Variants in PDE10A observed in about 807,000 individuals in gnomAD.
PDE10A encodes phosphodiesterase 10A, also known as cAMP and cAMP-inhibited cGMP 3',5'-cyclic phosphodiesterase 10A.
Under a neutral mutation model 97.7 loss-of-function variants are expected in PDE10A, and 39 were observed. The observed-to-expected ratio is 0.40, with a 90% CI of 0.31 to 0.52. The LOEUF is 0.52. PDE10A is among the 20% of genes least tolerant of loss of function. PDE10A has a pLI of 0.56. For missense variants in PDE10A, 731 were observed against 1,047.8 expected (o/e 0.70, Z 4.17); for synonymous variants, 371 against 376.8 (o/e 0.98, Z 0.18).
At chr6:165,355,012 G>T (rs751246415) in intron 18 of PDE10A, among the ~76,000 whole-genome samples, 1 of 152,074 alleles carries the variant, frequency 6.6e-6, no homozygotes. Flanking sequence ...GAATTCTGTG[G>T]ATTGCTTCCA....
intron 10 of PDE10A, among the ~76,000 whole-genome samples, chr6:165,421,530 T>C (rs916884313): frequency 2.6e-5 from 4 of 152,054 alleles, no homozygotes; most frequent in African/African-American, 9.7e-5. Context: ...GAAAACGTAA[T>C]AATGTTTTCC....
Position 165,331,330 on chromosome 6 carries a change from A to T in PDE10A, c.*1695T>A, listed in dbSNP as rs1781329758. ...ATAGCAAATGGAGCTCCACGGAGGG[A>T]AGATGGCAACTTTCAGAAGCCCACA... On this transcript the variant is annotated 3_prime_UTR_variant, in exon 22 of 22. Coordinates refer to ENST00000539869, the MANE Select transcript of PDE10A (RefSeq NM_001385079.1). 1 of 152,168 alleles carries T rather than the reference A, an allele frequency of 6.6e-6. No homozygotes were observed. Among genetic ancestry groups the T allele is most frequent in the Non-Finnish European group, 1.5e-5 (1 of 68,038 alleles). 9.4% of individuals were successfully genotyped at this position (152,168 alleles called of 1,614,324 possible). A position where few individuals can be genotyped will look rare whatever the true frequency, so the allele number is the denominator to read the frequency against.
In PDE10A at chr6:165,654,896, TG is replaced by T. The variant is rs146317406; in HGVS notation, c.865+7050del. On this transcript the variant is annotated intron_variant, in intron 1 of 21. Transcript: ENST00000539869. ...CGTGCTACCTTCCATCTCAGGATCT[TG>T]CCGGGTCACACCTCTCCAGGGTGCT... Among the ~76,000 whole-genome samples the T allele has an allele frequency of 4.6e-3, 704 of 152,300 alleles. 10 individuals carry two copies. Among genetic ancestry groups the T allele is most frequent in the African/African-American group, 0.016 (679 of 41,572 alleles).
intron 1 of PDE10A, among the ~76,000 whole-genome samples, chr6:165,937,181 G>A (rs889349701): frequency 6.6e-6 from 1 of 152,166 alleles, no homozygotes; most frequent in Non-Finnish European, 1.5e-5. Flanking sequence ...GTAACCCACT[G>A]GGCTTGGCCA....
At chr6:165,902,111 A>G (rs1446741900) in intron 1 of PDE10A, among the ~76,000 whole-genome samples, 1 of 152,110 alleles carries the variant, frequency 6.6e-6, no homozygotes, top group Non-Finnish European at 1.5e-5. Context: ...TGTATATGCA[A>G]TCTATACCTA....
At chr6:165,338,904 C>T (rs1319618022) in intron 20 of PDE10A, among the ~76,000 whole-genome samples, 1 of 152,198 alleles carries the variant, frequency 6.6e-6, no homozygotes, top group Non-Finnish European at 1.5e-5. Context: ...TAAGTCCCTC[C>T]AGTCCACAAG....
At position 165,526,853 on chromosome 6, in the gene PDE10A, T is replaced by G. The variant is rs534064672; in HGVS notation, c.994+16587A>C. ...CAGCTGGCAAAGCCAGCAATATACC[T>G]TTACTGTGTTACCTCAGGAGTATAT... is the stretch of plus-strand genomic sequence containing the variant. On this transcript the variant is annotated intron_variant, in intron 2 of 21. Coordinates refer to ENST00000539869, the MANE Select transcript of PDE10A (RefSeq NM_001385079.1). 2.0e-5 allele frequency among the ~76,000 whole-genome samples: 3 copies of G among 152,334 alleles called. No homozygotes were observed. The South Asian group carries it at 6.2e-4, about 32-fold the overall frequency.
intron 1 of PDE10A, among the ~76,000 whole-genome samples, chr6:165,578,030 G>A (rs1785409534): frequency 6.6e-6 from 1 of 152,182 alleles, no homozygotes. Context: ...GGAACCAGGA[G>A]TGCCCACTGG....
Position 165,395,160 on chromosome 6 carries a change from A to G in PDE10A, c.2303+21T>C, listed in dbSNP as rs138988576. On this transcript the variant is annotated intron_variant, in intron 15 of 21. Transcript: ENST00000539869. ...TATGTCACCCAATATTTCAAAAAGT[A>G]AATTTTAAAGTCATTCATACCAGGA... is the stretch of plus-strand genomic sequence containing the variant. 575 of 1,537,704 alleles carry G rather than the reference A, an allele frequency of 3.7e-4. 4 individuals are homozygous for G. The African/African-American group carries it at 6.6e-3, about 18-fold the overall frequency.
At chr6:165,963,920 G>A (rs1273457444) in intron 1 of PDE10A, among the ~76,000 whole-genome samples, 3 of 152,170 alleles carry the variant, frequency 2.0e-5, no homozygotes, top group African/African-American at 7.2e-5. Flanking sequence ...GCACCTTATC[G>A]AGGTTTGAAG....
At chr6:165,769,015 A>T (rs1267802909) in intron 1 of PDE10A, among the ~76,000 whole-genome samples, 1 of 152,232 alleles carries the variant, frequency 6.6e-6, no homozygotes, top group Non-Finnish European at 1.5e-5. Context: ...TTCTACAGAG[A>T]ACATACATGA....
At chr6:165,387,161 G>A (rs947826524) in intron 17 of PDE10A, among the ~76,000 whole-genome samples, 1 of 152,180 alleles carries the variant, frequency 6.6e-6, no homozygotes, top group African/African-American at 2.4e-5. Context: ...ACTGAACCAT[G>A]AGCAAGCTCA....
chr6:165,401,853 A>T (rs1400537694), intron 13 of PDE10A, among the ~76,000 whole-genome samples: 5 of 152,138 alleles, frequency 3.3e-5, no homozygotes, highest in African/African-American at 1.2e-4. Flanking sequence ...ACATATCAAG[A>T]CCCAAGTTTT....
intron 1 of PDE10A, among the ~76,000 whole-genome samples, chr6:165,714,836 C>A (rs1435351936): frequency 6.6e-6 from 1 of 152,248 alleles, no homozygotes; most frequent in Non-Finnish European, 1.5e-5. Flanking sequence ...CCAGTCCCAA[C>A]CCACAGCGAC....
rs1272420474 is a variant in PDE10A, at chr6:165,662,560, G to C, written c.252C>G (p.Leu84=). 1.4e-5 allele frequency: 2 copies of C among 147,688 alleles called. No individual in the cohort carries two copies. The highest frequency in any genetic ancestry group is 4.9e-5 in the African/African-American group (2 of 40,862). 9.1% of individuals were successfully genotyped at this position (147,688 alleles called of 1,614,324 possible). A position where few individuals can be genotyped will look rare whatever the true frequency, so the allele number is the denominator to read the frequency against. ...RPSPAGGPGA[L]SARGGGCGWV... is the part of the protein sequence containing the mutation. ...AGCCGCAGCCGCCGCCGCGCGCAGA[G>C]AGGGCGCCGGGGCCCCCAGCGGGGC... Residue 84 remains leucine, a synonymous_variant, in exon 1 of 22, where the codon CTC becomes CTG. Coordinates refer to ENST00000539869, the MANE Select transcript of PDE10A (RefSeq NM_001385079.1).
intron 3 of PDE10A, among the ~76,000 whole-genome samples, chr6:165,455,504 T>C (rs1476755222): frequency 6.6e-6 from 1 of 152,184 alleles, no homozygotes; most frequent in Non-Finnish European, 1.5e-5. Flanking sequence ...AATTAATTAC[T>C]ATGACCAAAA....
At chr6:165,813,449 TTTA>T (rs1779331592) in intron 1 of PDE10A, among the ~76,000 whole-genome samples, 1 of 117,650 alleles carries the variant, frequency 8.5e-6, no homozygotes, top group Admixed American at 8.4e-5. Flanking sequence ...ACCTAGTGAC[TTTA>T]TGACCAAATC....
intron 1 of PDE10A, among the ~76,000 whole-genome samples, chr6:165,928,859 C>T (rs1014153542): frequency 3.3e-5 from 5 of 152,168 alleles, no homozygotes; most frequent in African/African-American, 1.2e-4. Flanking sequence ...CCAAAATGTA[C>T]TCAGGGAAAT....
intron 3 of PDE10A, among the ~76,000 whole-genome samples, chr6:165,470,577 G>A (rs1462264716): frequency 6.6e-6 from 1 of 152,192 alleles, no homozygotes; most frequent in African/African-American, 2.4e-5. Context: ...TCATAGAAAA[G>A]TATTACCTCT....
Sources: allele counts gnomAD v4.1 joint callset (sites outside exome capture counted in the v4.1 genomes callset), GRCh38; gene constraint gnomAD v4.1.1; transcripts MANE v1.5; gene names NCBI Gene and HGNC (gene_info 2026-07-23, HGNC 2026-07-21).